LYPLAL1: variants seen among roughly 807,000 people sequenced by gnomAD.
LYPLAL1 encodes lysophospholipase like 1.
Under a neutral mutation model 19.7 loss-of-function variants are expected in LYPLAL1, and 23 were observed. That is an observed-to-expected ratio of 1.17 (90% CI 0.84 to 1.65). The LOEUF (loss-of-function observed/expected upper bound fraction) is 1.65, where lower values mean the gene tolerates loss of function less well. LYPLAL1 is among the 40% of genes most tolerant of loss of function. The probability of loss-of-function intolerance (pLI) is 0.00; values close to 1 mark genes in which losing one functional copy is unlikely to be tolerated. For synonymous variants in LYPLAL1, 119 were observed against 96.3 expected, an observed-to-expected ratio of 1.24 and a Z score of -1.38; for missense variants, 355 against 279.4, an observed-to-expected ratio of 1.27 and a Z score of -1.93.
the LYPLAL1 span, among the ~76,000 whole-genome samples, chr1:219,230,589 G>A: frequency 6.6e-6 from 1 of 152,130 alleles, no homozygotes; most frequent in Non-Finnish European, 1.5e-5. Flanking sequence ...TAATCTTATG[G>A]CATTAAAGTT....
chr1:219,229,784 A>G, the LYPLAL1 span, among the ~76,000 whole-genome samples: 37 of 152,182 alleles, frequency 2.4e-4, no homozygotes, highest in Admixed American at 5.2e-4. Flanking sequence ...CCACACCCTC[A>G]TCGCATGCCC....
the LYPLAL1 span, among the ~76,000 whole-genome samples, chr1:219,416,348 G>T: frequency 6.6e-6 from 1 of 152,122 alleles, no homozygotes; most frequent in Non-Finnish European, 1.5e-5. Context: ...TTTGTAGAAT[G>T]TCCCTCACCT....
intron 2 of LYPLAL1, among the ~76,000 whole-genome samples, chr1:219,190,791 G>A (rs1414939815): frequency 2.0e-5 from 3 of 151,438 alleles, no homozygotes; most frequent in Admixed American, 2.0e-4. Flanking sequence ...AAAAATAATA[G>A]CAAATGACAT....
At chr1:219,347,284 G>T in the LYPLAL1 span, among the ~76,000 whole-genome samples, 1 of 128,864 alleles carries the variant, frequency 7.8e-6, no homozygotes, top group Non-Finnish European at 1.6e-5. Flanking sequence ...TTCCTTTTTA[G>T]CTAGGTCTGG....
At chr1:219,311,611 T>G in the LYPLAL1 span, among the ~76,000 whole-genome samples, 1 of 152,008 alleles carries the variant, frequency 6.6e-6, no homozygotes, top group East Asian at 1.9e-4. Flanking sequence ...AGCATGGTGT[T>G]TTGGATATAG....
chr1:219,333,857 T>C, the LYPLAL1 span, among the ~76,000 whole-genome samples: 15 of 152,006 alleles, frequency 9.9e-5, no homozygotes, highest in African/African-American at 3.6e-4. Context: ...GCTAGCACCT[T>C]GTCCAGGAGA....
the LYPLAL1 span, among the ~76,000 whole-genome samples, chr1:219,361,554 C>T: frequency 6.6e-6 from 1 of 152,014 alleles, no homozygotes; most frequent in Non-Finnish European, 1.5e-5. Context: ...TTCTCAGGCT[C>T]TAAATCCAGG....
the LYPLAL1 span, among the ~76,000 whole-genome samples, chr1:219,230,205 C>G: frequency 3.3e-5 from 5 of 152,232 alleles, 1 homozygote; most frequent in South Asian, 1.0e-3. Flanking sequence ...CTCCGCCTCC[C>G]GGGTTCAAGC....
intron 3 of LYPLAL1, among the ~76,000 whole-genome samples, chr1:219,195,360 T>C (rs1657520685): frequency 6.6e-6 from 1 of 151,940 alleles, no homozygotes; most frequent in African/African-American, 2.4e-5. Context: ...TATAATATAA[T>C]GAAAGTCTGA....
chr1:219,289,078 G>GTTT, the LYPLAL1 span, among the ~76,000 whole-genome samples: 33,803 of 114,150 alleles, frequency 0.3, 5,454 homozygotes, highest in East Asian at 0.66. Context: ...CTCTTGTTTT[G>GTTT]TTTTTTTTGT....
At chr1:219,351,316 A>C in the LYPLAL1 span, among the ~76,000 whole-genome samples, 1 of 152,070 alleles carries the variant, frequency 6.6e-6, no homozygotes, top group Non-Finnish European at 1.5e-5. Context: ...TTGGGATGAG[A>C]ATATTTACTC....
At chr1:219,205,746 A>G (rs985238514) in intron 3 of LYPLAL1, among the ~76,000 whole-genome samples, 13 of 152,200 alleles carry the variant, frequency 8.5e-5, no homozygotes, top group South Asian at 4.1e-4. Flanking sequence ...CGTTTTCTCT[A>G]TAGCCCAGCT....
At chr1:219,365,278 A>G in the LYPLAL1 span, among the ~76,000 whole-genome samples, 7 of 152,126 alleles carry the variant, frequency 4.6e-5, no homozygotes, top group Non-Finnish European at 8.8e-5. Flanking sequence ...TCTCCATTTA[A>G]GTGATTTTCA....
the LYPLAL1 span, among the ~76,000 whole-genome samples, chr1:219,420,385 C>T: frequency 6.6e-6 from 1 of 152,148 alleles, no homozygotes; most frequent in African/African-American, 2.4e-5. Flanking sequence ...TGATTGCATC[C>T]TCTACCTTTT....
chr1:219,402,435 C>A, the LYPLAL1 span, among the ~76,000 whole-genome samples: 75 of 152,074 alleles, frequency 4.9e-4, no homozygotes, highest in South Asian at 0.015. Context: ...TAAACATGAT[C>A]ATTTATATTT....
At chr1:219,284,486 G>C in the LYPLAL1 span, among the ~76,000 whole-genome samples, 1 of 151,836 alleles carries the variant, frequency 6.6e-6, no homozygotes, top group East Asian at 1.9e-4. Context: ...TTCATGTAAC[G>C]CAATAATATA....
At chr1:219,200,952 C>G (rs1451706724) in intron 3 of LYPLAL1, among the ~76,000 whole-genome samples, 2 of 152,188 alleles carry the variant, frequency 1.3e-5, no homozygotes, top group East Asian at 1.9e-4. Context: ...TTGAATCTAA[C>G]TTTATTTCAT....
chr1:219,313,500 G>A, the LYPLAL1 span, among the ~76,000 whole-genome samples: 5 of 148,370 alleles, frequency 3.4e-5, no homozygotes, highest in East Asian at 2.0e-4. Flanking sequence ...AGCATCTTAC[G>A]TTTTCAGAGA....
At chr1:219,296,716 A>C in the LYPLAL1 span, among the ~76,000 whole-genome samples, 3 of 152,246 alleles carry the variant, frequency 2.0e-5, no homozygotes, top group African/African-American at 7.2e-5. Context: ...AAGTAAATCC[A>C]TGCATACTTC....
Sources: allele counts gnomAD v4.1 joint callset (sites outside exome capture counted in the v4.1 genomes callset), GRCh38; gene constraint gnomAD v4.1.1; transcripts MANE v1.5; gene names NCBI Gene and HGNC (gene_info 2026-07-23, HGNC 2026-07-21).